THAP2: variants seen among roughly 807,000 people sequenced by gnomAD.
THAP2 encodes the protein THAP domain-containing protein 2.
A neutral mutation model predicts 18.8 loss-of-function variants in THAP2; 16 were observed. The observed-to-expected ratio is 0.85, with a 90% confidence interval of 0.58 to 1.29. The LOEUF (loss-of-function observed/expected upper bound fraction) is 1.29. Ranked by LOEUF, THAP2 falls within the 50% of genes most tolerant of loss-of-function variation. The pLI, the probability that THAP2 is intolerant of heterozygous loss-of-function variation, is 0.00. For missense variants in THAP2, 251 were observed against 265.3 expected (o/e 0.95, Z 0.38); for synonymous variants, 80 against 89.2 (o/e 0.90, Z 0.58).
intron 1 of THAP2, chr12:71,667,851 G>A (rs1214707416): frequency 6.6e-6 from 1 of 152,150 alleles, no homozygotes; most frequent in African/African-American, 2.4e-5. Context: ...GAGATGTGCA[G>A]TTTCACACTA....
Position 71,680,359 on chromosome 12 carries a change from T to TTAAAA in THAP2, c.*3254_*3258dup, listed in dbSNP as rs1476959921. 3 of 152,724 alleles carry TTAAAA rather than the reference T, an allele frequency of 2.0e-5. No homozygotes were observed. In the East Asian group the frequency reaches 5.8e-4, roughly 29 times the overall value. The allele number at this position is 152,724 out of a possible 1,614,324, so 9.5% of individuals were successfully genotyped here. A position where few individuals can be genotyped will look rare whatever the true frequency, so the allele number is the denominator to read the frequency against. ...ACTAAAATAGGATAAATCATGTGTC[T>TTAAAA]TAAAATATGAAAATAGTAAAGTCTT... On this transcript the variant is annotated 3_prime_UTR_variant, in exon 3 of 3. Transcript: ENST00000308086.
In THAP2 at chr12:71,664,322, G is replaced by T; in HGVS notation, c.-188G>T. On this transcript the variant is annotated 5_prime_UTR_variant, in exon 1 of 3. Transcript: ENST00000308086. ...CTCTAGTCGGCCATATTAATAAAGAGAAAGGGAAGGCTGACCGTCCTTCGC... is the reference window on the plus strand; with the variant it reads ...CTCTAGTCGGCCATATTAATAAAGATAAAGGGAAGGCTGACCGTCCTTCGC... 1 of 625,016 alleles carries T rather than the reference G, an allele frequency of 1.6e-6. No homozygotes were observed. Among genetic ancestry groups the T allele is most frequent in the African/African-American group, 1.8e-5 (1 of 54,408 alleles). 38.7% of individuals were successfully genotyped at this position (625,016 alleles called of 1,614,324 possible).
Position 71,677,156 on chromosome 12 carries a change from G to T in THAP2, c.*48G>T, listed in dbSNP as rs751299286. 3.5e-5 allele frequency: 50 copies of T among 1,428,576 alleles called. No homozygotes were observed. Among genetic ancestry groups the T allele is most frequent in the Non-Finnish European group, 8.3e-6 (9 of 1,085,782 alleles). The allele number at this position is 1,428,576 out of a possible 1,614,324, so 88.5% of individuals were successfully genotyped here. ...TGCCTATCCTTCATTCTTTTCAGAAGTAAAGATAATTATGGCACTTATGCC... is the reference window on the plus strand; with the variant it reads ...TGCCTATCCTTCATTCTTTTCAGAATTAAAGATAATTATGGCACTTATGCC... On this transcript the variant is annotated 3_prime_UTR_variant, in exon 3 of 3. Coordinates refer to ENST00000308086, the MANE Select transcript of THAP2 (RefSeq NM_031435.4).
intron 1 of THAP2, 131 bp from the exon 2 acceptor site, chr12:71,674,072 G>T (rs1844678427): frequency 3.5e-6 from 3 of 865,514 alleles, no homozygotes; most frequent in Non-Finnish European, 3.3e-6. Flanking sequence ...CCAGTGTCTG[G>T]ATATTGTTAG....
chr12:71,666,103 G>T (rs1881337935), intron 1 of THAP2, among the ~76,000 whole-genome samples: 2 of 152,134 alleles, frequency 1.3e-5, no homozygotes, highest in South Asian at 4.1e-4. Context: ...CTAGACTAGG[G>T]TGATATTAGA....
intron 1 of THAP2, among the ~76,000 whole-genome samples, chr12:71,670,529 A>T (rs1438902436): frequency 6.6e-6 from 1 of 152,198 alleles, no homozygotes; most frequent in East Asian, 1.9e-4. Context: ...TGATTCCCCA[A>T]AAATTCAACT....
chr12:71,677,093 GAGT>G lies in THAP2; in HGVS notation c.674_676del (p.Ser225del). Reference sequence around the variant, plus strand: ...TAAGTCTAAATCTAAAACAGACCAAGAGTACCTTCATTTAAATTTAGCTTGCAC... The same window carrying G: ...TAAGTCTAAATCTAAAACAGACCAAGACCTTCATTTAAATTTAGCTTGCAC... On this transcript the variant is annotated inframe_deletion, in exon 3 of 3. Coordinates refer to ENST00000308086, the MANE Select transcript of THAP2 (RefSeq NM_031435.4). 1 of 1,584,906 alleles carries G rather than the reference GAGT, an allele frequency of 6.3e-7. No individual in the cohort carries two copies.
rs1304025721 is a variant in THAP2 at position 71,674,143 on chromosome 12, A to G, written c.72-60A>G. 4 of 1,462,388 alleles carry G rather than the reference A, an allele frequency of 2.7e-6. No individual in the cohort carries two copies. In the East Asian group the frequency reaches 7.0e-5, roughly 26 times the overall value. The allele number at this position is 1,462,388 out of a possible 1,614,324, so 90.6% of individuals were successfully genotyped here. On this transcript the variant is annotated intron_variant, in intron 1 of 2. Coordinates refer to ENST00000308086, the MANE Select transcript of THAP2 (RefSeq NM_031435.4). ...ATCATCTTCGAAATTTCTTTTAATC[A>G]TTTAGGTGCAGCCAGAATTATGATA...
At chr12:71,673,584 T>G (rs1248938530) in intron 1 of THAP2, among the ~76,000 whole-genome samples, 1 of 152,182 alleles carries the variant, frequency 6.6e-6, no homozygotes, top group Non-Finnish European at 1.5e-5. Flanking sequence ...TTGTATTAAT[T>G]TAGCAAATTT....
At chr12:71,671,588 A>T (rs1169204480) in intron 1 of THAP2, among the ~76,000 whole-genome samples, 1 of 152,148 alleles carries the variant, frequency 6.6e-6, no homozygotes, top group East Asian at 1.9e-4. Flanking sequence ...ATACACACAC[A>T]CTTTTCTTTA....
rs530042695 is a variant in THAP2, at chr12:71,679,174, A to C, written c.*2066A>C. 2.0e-5 allele frequency: 3 copies of C among 152,298 alleles called. No homozygotes were observed. The highest frequency in any genetic ancestry group is 6.5e-5 in the Admixed American group (1 of 15,300). 9.4% of individuals were successfully genotyped at this position (152,298 alleles called of 1,614,324 possible). On this transcript the variant is annotated 3_prime_UTR_variant, in exon 3 of 3. Transcript: ENST00000308086. ...GAAACCTTAATAAATTTTAAAAATC[A>C]TAAAAATAAAATATTGTAAAATACA...
Position 71,677,193 on chromosome 12 carries a change from T to TTTA in THAP2, c.*86_*88dup. ...ATGGCACTTATGCCAAAATTCATTA[T>TTTA]TTAATAAAGTTTTACTTGAAGTAAC... On this transcript the variant is annotated 3_prime_UTR_variant, in exon 3 of 3. Transcript: ENST00000308086. 1 of 1,240,712 alleles carries TTTA rather than the reference T, an allele frequency of 8.1e-7. No individual in the cohort carries two copies. The allele number at this position is 1,240,712 out of a possible 1,614,324, so 76.9% of individuals were successfully genotyped here. A position where few individuals can be genotyped will look rare whatever the true frequency, so the allele number is the denominator to read the frequency against.
chr12:71,676,004 A>G (rs2137582323), intron 2 of THAP2, among the ~76,000 whole-genome samples: 1 of 152,180 alleles, frequency 6.6e-6, no homozygotes, highest in East Asian at 1.9e-4. Flanking sequence ...ATTGTGGAAC[A>G]GAGAAAGGAA....
rs1157514508 is a variant in THAP2 at position 71,674,366 on chromosome 12, A to G, written c.235A>G (p.Ile79Val). Residue 79 changes from isoleucine (I) to valine (V), a missense_variant, in exon 2 of 3, where the codon ATT becomes GTT. Coordinates refer to ENST00000308086, the MANE Select transcript of THAP2 (RefSeq NM_031435.4). Reference protein sequence around the residue: ...RRLKMDAVPTIFDFCTHIKSM... With the variant: ...RRLKMDAVPTVFDFCTHIKSM... ...ACTTAAAATGGATGCTGTTCCAACC[A>G]TTTTTGATTTTTGTACCCATATAAA... 4 of 1,610,214 alleles carry G rather than the reference A, an allele frequency of 2.5e-6. No homozygotes were observed. The highest frequency in any genetic ancestry group is 1.7e-4 in the Middle Eastern group (1 of 6,040).
chr12:71,672,631 G>A (rs1229195674), intron 1 of THAP2, among the ~76,000 whole-genome samples: 1 of 151,820 alleles, frequency 6.6e-6, no homozygotes, highest in East Asian at 1.9e-4. Context: ...GCAACAGCTT[G>A]ATGATTTTTT....
intron 2 of THAP2, 143 bp from the exon 3 acceptor site, chr12:71,676,546 A>AT: frequency 1.3e-6 from 1 of 753,902 alleles, no homozygotes; most frequent in Non-Finnish European, 2.0e-6. Flanking sequence ...ATTACATGAG[A>AT]TGGCTGCTGC....
At chr12:71,673,995 C>T (rs537776588) in intron 1 of THAP2, among the ~76,000 whole-genome samples, 14 of 152,190 alleles carry the variant, frequency 9.2e-5, no homozygotes, top group South Asian at 4.1e-4. Context: ...GAAAAATAAA[C>T]GACTCAAGTC....
Position 71,674,193 on chromosome 12 carries a change from T to C in THAP2, c.72-10T>C. 1 of 1,556,446 alleles carries C rather than the reference T, an allele frequency of 6.4e-7. No individual in the cohort carries two copies. Among genetic ancestry groups the C allele is most frequent in the Non-Finnish European group, 8.7e-7 (1 of 1,155,182 alleles). The stretch of plus-strand genomic sequence containing the variant: ...AGTTGGAATTTGAGTTGCATTTTTT[T>C]TTTTTTAAGGTTTCCTTTGGATCCT... On this transcript the variant is annotated splice_polypyrimidine_tract_variant and intron_variant, in intron 1 of 2. Coordinates refer to ENST00000308086, the MANE Select transcript of THAP2 (RefSeq NM_031435.4).
intron 1 of THAP2, 114 bp downstream of exon 1, chr12:71,664,694 C>T: frequency 8.4e-7 from 1 of 1,193,860 alleles, no homozygotes; most frequent in Non-Finnish European, 1.2e-6. Flanking sequence ...CAGCTGGTAG[C>T]AGGGAAGCAT....
Sources: gnomAD v4.1 joint callset for allele counts (sites outside exome capture counted in the v4.1 genomes callset) on GRCh38, gnomAD v4.1.1 for gene constraint, MANE v1.5 for transcripts, NCBI Gene and HGNC (gene_info 2026-07-23, HGNC 2026-07-21) for gene names.